FTO: variants seen among roughly 807,000 people sequenced by gnomAD.
The protein encoded by FTO is FTO alpha-ketoglutarate dependent dioxygenase.
Under a neutral mutation model 63.9 loss-of-function variants are expected in FTO, and 47 were observed. The observed-to-expected ratio is 0.74, with a 90% CI of 0.58 to 0.94. The LOEUF is 0.94. Ranked by LOEUF, FTO falls within the 40% of genes least tolerant of loss-of-function variation. The pLI is 0.00. For synonymous variants in FTO, 207 were observed against 224.4 expected (o/e 0.92, Z 0.69); for missense variants, 562 against 618.1 (o/e 0.91, Z 0.96).
At chr16:53,977,283 T>A (rs548724058) in intron 8 of FTO, among the ~76,000 whole-genome samples, 1 of 152,324 alleles carries the variant, frequency 6.6e-6, no homozygotes, top group South Asian at 2.1e-4. Flanking sequence ...ATGTGGCCTA[T>A]TACATTATTG....
chr16:53,778,193 A>G (rs1019180306), intron 1 of FTO, among the ~76,000 whole-genome samples: 3 of 152,168 alleles, frequency 2.0e-5, no homozygotes, highest in Non-Finnish European at 2.9e-5. Flanking sequence ...TTTGAGGTCT[A>G]TTAAAACAGC....
At chr16:54,094,083 G>A (rs562051384) in intron 8 of FTO, among the ~76,000 whole-genome samples, 3 of 152,216 alleles carry the variant, frequency 2.0e-5, no homozygotes, top group East Asian at 1.9e-4. Context: ...ACAGACCCAC[G>A]CTTTCAAAGC....
chr16:53,711,911 A>G (rs1415207751), intron 1 of FTO, among the ~76,000 whole-genome samples: 2 of 152,184 alleles, frequency 1.3e-5, no homozygotes, highest in Non-Finnish European at 2.9e-5. Flanking sequence ...ACTTTAAATG[A>G]TAAGGTTTAT....
At chr16:53,810,981 C>T (rs76682627) in intron 2 of FTO, among the ~76,000 whole-genome samples, 7 of 152,244 alleles carry the variant, frequency 4.6e-5, no homozygotes, top group African/African-American at 1.4e-4. Context: ...TTCTTTTTCC[C>T]TGGTTCCATC....
rs2086997972 is a variant in FTO, at chr16:54,120,463, A to G, written c.*8548A>G. 6.6e-6 allele frequency: 1 copy of G among 152,218 alleles called. No homozygotes were observed. The highest frequency in any genetic ancestry group is 1.5e-5 in the Non-Finnish European group (1 of 68,050). The allele number at this position is 152,218 out of a possible 1,614,324, so 9.4% of individuals were successfully genotyped here. On this transcript the variant is annotated 3_prime_UTR_variant, in exon 9 of 9. Coordinates refer to ENST00000471389, the MANE Select transcript of FTO (RefSeq NM_001080432.3). ...CTAATTTCTGCCCTTTGCTCATTTT[A>G]ATACAGAGCCTGAGGATAGGAGAGC...
chr16:53,719,478 A>G (rs1466863007), intron 1 of FTO, among the ~76,000 whole-genome samples: 2 of 151,998 alleles, frequency 1.3e-5, no homozygotes, highest in Non-Finnish European at 2.9e-5. Flanking sequence ...TTGACATGGC[A>G]TTGAGCATAA....
chr16:53,955,791 T>A (rs2082915090), intron 8 of FTO, among the ~76,000 whole-genome samples: 13 of 152,090 alleles, frequency 8.5e-5, no homozygotes, highest in Admixed American at 8.5e-4. Flanking sequence ...TTGAAATAAG[T>A]AGTCAGTGTG....
At chr16:53,865,194 T>C (rs545004891) in intron 4 of FTO, among the ~76,000 whole-genome samples, 4 of 152,186 alleles carry the variant, frequency 2.6e-5, no homozygotes, top group Non-Finnish European at 5.9e-5. Flanking sequence ...TCCCAGTCTT[T>C]TATGGGAATT....
At chr16:54,078,362 T>C (rs1310183411) in intron 8 of FTO, among the ~76,000 whole-genome samples, 8 of 147,492 alleles carry the variant, frequency 5.4e-5, no homozygotes, top group Non-Finnish European at 1.2e-4. Flanking sequence ...TATATAATAT[T>C]CTAAATATAT....
chr16:54,062,369 A>T (rs1190715100), intron 8 of FTO, among the ~76,000 whole-genome samples: 3 of 152,070 alleles, frequency 2.0e-5, no homozygotes, highest in Non-Finnish European at 4.4e-5. Context: ...TGTGCTTGGC[A>T]GGGGGGTGCG....
intron 3 of FTO, among the ~76,000 whole-genome samples, chr16:53,831,992 G>A (rs949821157): frequency 1.3e-5 from 2 of 152,150 alleles, no homozygotes; most frequent in Admixed American, 6.5e-5. Flanking sequence ...AAGAAGGGAA[G>A]CAACACCAGA....
chr16:53,707,713 A>G (rs985696327), intron 1 of FTO, among the ~76,000 whole-genome samples: 1 of 152,022 alleles, frequency 6.6e-6, no homozygotes, highest in African/African-American at 2.4e-5. Flanking sequence ...CTTTTTGTAA[A>G]TCTTTATTGA....
intron 8 of FTO, chr16:53,979,590 C>A: frequency 2.6e-6 from 1 of 388,600 alleles, no homozygotes; most frequent in South Asian, 1.4e-4. Context: ...AATTTCTTGT[C>A]CTCTACATTT....
intron 1 of FTO, among the ~76,000 whole-genome samples, chr16:53,710,843 T>C (rs548251046): frequency 3.3e-5 from 5 of 152,340 alleles, no homozygotes; most frequent in South Asian, 4.1e-4. Flanking sequence ...GTGGGAAATG[T>C]GCTTTCCATT....
At chr16:54,091,586 G>T (rs2086384648) in intron 8 of FTO, among the ~76,000 whole-genome samples, 1 of 152,212 alleles carries the variant, frequency 6.6e-6, no homozygotes, top group African/African-American at 2.4e-5. Context: ...ATTAGTTAGA[G>T]ATACAGAAGG....
intron 4 of FTO, among the ~76,000 whole-genome samples, chr16:53,856,622 T>C (rs1294005564): frequency 6.6e-6 from 1 of 152,010 alleles, no homozygotes; most frequent in African/African-American, 2.4e-5. Flanking sequence ...TGGTGGCGTG[T>C]GCCTGTAATC....
intron 8 of FTO, among the ~76,000 whole-genome samples, chr16:53,997,069 T>C (rs2083948277): frequency 6.6e-6 from 1 of 150,630 alleles, no homozygotes; most frequent in Non-Finnish European, 1.5e-5. Flanking sequence ...GCCGAGATTG[T>C]GCCATTGCAC....
chr16:53,708,468 A>G (rs140015075), intron 1 of FTO, among the ~76,000 whole-genome samples: 1 of 152,312 alleles, frequency 6.6e-6, no homozygotes, highest in African/African-American at 2.4e-5. Flanking sequence ...CTATTATGGA[A>G]AATGCTACTG....
intron 1 of FTO, 51 bp from the exon 2 acceptor site, chr16:53,810,089 T>C (rs770476879): frequency 8.3e-7 from 1 of 1,209,092 alleles, no homozygotes; most frequent in Non-Finnish European, 1.2e-6. Flanking sequence ...GAGAGTGTCT[T>C]ACTTTGGGTT....
Sources: gnomAD v4.1 joint callset for allele counts (sites outside exome capture counted in the v4.1 genomes callset) on GRCh38, gnomAD v4.1.1 for gene constraint, MANE v1.5 for transcripts, NCBI Gene and HGNC (gene_info 2026-07-23, HGNC 2026-07-21) for gene names.